Variants in BLTP3A observed in about 807,000 individuals in gnomAD.
BLTP3A encodes the protein bridge-like lipid transfer protein family member 3A.
the BLTP3A span, chr6:34,856,749 T>G: frequency 3.1e-6 from 5 of 1,600,260 alleles, no homozygotes; most frequent in South Asian, 1.1e-5. Flanking sequence ...TAATGAGAGT[T>G]GAATGTATCT....
chr6:34,857,272 A>G, the BLTP3A span: 3,436 of 1,601,800 alleles, frequency 2.1e-3, 42 homozygotes, highest in African/African-American at 0.027. Context: ...CTAAGCAGAA[A>G]TGGAGGGCTG....
the BLTP3A span, among the ~76,000 whole-genome samples, chr6:34,799,319 T>C: frequency 6.6e-6 from 1 of 152,144 alleles, no homozygotes; most frequent in African/African-American, 2.4e-5. Flanking sequence ...ATTTTATCTT[T>C]ATTAAACAAA....
At chr6:34,795,869 T>G in the BLTP3A span, among the ~76,000 whole-genome samples, 1 of 152,142 alleles carries the variant, frequency 6.6e-6, no homozygotes, top group Non-Finnish European at 1.5e-5. Context: ...GAGGTCACAT[T>G]ATAGTTGCAA....
At chr6:34,834,768 A>G in the BLTP3A span, 3 of 1,614,200 alleles carry the variant, frequency 1.9e-6, no homozygotes, top group Non-Finnish European at 2.5e-6. Flanking sequence ...GAATTGAGGC[A>G]GATGCTACAG....
the BLTP3A span, among the ~76,000 whole-genome samples, chr6:34,801,179 T>C: frequency 6.6e-6 from 1 of 152,188 alleles, no homozygotes; most frequent in Non-Finnish European, 1.5e-5. Flanking sequence ...TAAAAAATTG[T>C]GGAGGACATT....
chr6:34,810,890 A>G, the BLTP3A span, among the ~76,000 whole-genome samples: 1 of 152,224 alleles, frequency 6.6e-6, no homozygotes, highest in African/African-American at 2.4e-5. Flanking sequence ...TTTTTATAAT[A>G]GATTAGTATA....
chr6:34,857,221 C>T, the BLTP3A span: 2 of 1,341,094 alleles, frequency 1.5e-6, no homozygotes, highest in Non-Finnish European at 2.1e-6. Context: ...ACTGTGTTCC[C>T]TGTGACAGAC....
chr6:34,823,705 G>A, the BLTP3A span, among the ~76,000 whole-genome samples: 1 of 151,586 alleles, frequency 6.6e-6, no homozygotes, highest in Non-Finnish European at 1.5e-5. Flanking sequence ...ACCATGCCTG[G>A]CTAGTTTTTT....
chr6:34,864,393 A>G, the BLTP3A span, among the ~76,000 whole-genome samples: 1 of 152,178 alleles, frequency 6.6e-6, no homozygotes, highest in Non-Finnish European at 1.5e-5. Context: ...TTTCTAGGTT[A>G]TTGGTTAATA....
the BLTP3A span, chr6:34,858,575 G>A: frequency 5.5e-5 from 89 of 1,614,166 alleles, no homozygotes; most frequent in African/African-American, 8.5e-4. Flanking sequence ...GCCCAGGCAC[G>A]GAAGCTTCTT....
chr6:34,855,880 TTGA>T, the BLTP3A span: 1 of 985,422 alleles, frequency 1.0e-6, no homozygotes, highest in Non-Finnish European at 1.2e-6. Context: ...GGTTCCACTA[TTGA>T]TGATTCTTTA....
chr6:34,830,627 A>G, the BLTP3A span, among the ~76,000 whole-genome samples: 4 of 151,992 alleles, frequency 2.6e-5, no homozygotes, highest in African/African-American at 9.7e-5. Flanking sequence ...CATACACCAC[A>G]AAGAATGAAT....
the BLTP3A span, among the ~76,000 whole-genome samples, chr6:34,805,217 G>A: frequency 1.3e-5 from 2 of 151,898 alleles, no homozygotes; most frequent in African/African-American, 4.8e-5. Flanking sequence ...AGAGGTCGAG[G>A]CTTCAGTGAA....
chr6:34,871,915 T>C, the BLTP3A span: 1 of 1,614,116 alleles, frequency 6.2e-7, no homozygotes, highest in Non-Finnish European at 8.5e-7. Context: ...GGAGAGGTTT[T>C]TGAACAGCAG....
the BLTP3A span, chr6:34,871,701 G>C: frequency 1.2e-6 from 2 of 1,614,180 alleles, no homozygotes; most frequent in Non-Finnish European, 1.7e-6. Flanking sequence ...CGGTGAGTCA[G>C]GCTTGTCAGC....
chr6:34,834,242 G>A, the BLTP3A span: 2 of 1,613,958 alleles, frequency 1.2e-6, no homozygotes, highest in Non-Finnish European at 1.7e-6. Flanking sequence ...CGAAAAGGTG[G>A]TGGAAGGGAT....
the BLTP3A span, among the ~76,000 whole-genome samples, chr6:34,866,044 T>C: frequency 6.6e-6 from 1 of 152,190 alleles, no homozygotes; most frequent in African/African-American, 2.4e-5. Context: ...AAAAATCTCC[T>C]GGGGTTCTTA....
the BLTP3A span, among the ~76,000 whole-genome samples, chr6:34,801,760 C>T: frequency 6.6e-6 from 1 of 152,084 alleles, no homozygotes; most frequent in Non-Finnish European, 1.5e-5. Context: ...CTCGCTCTGT[C>T]TCCCAGGCTG....
chr6:34,866,353 AG>A, the BLTP3A span, among the ~76,000 whole-genome samples: 1 of 151,978 alleles, frequency 6.6e-6, no homozygotes, highest in Non-Finnish European at 1.5e-5. Flanking sequence ...TAGTGAGCCG[AG>A]ATCACGCCAT....
Sources: gnomAD v4.1 joint callset for allele counts (sites outside exome capture counted in the v4.1 genomes callset) on GRCh38, gnomAD v4.1.1 for gene constraint, MANE v1.5 for transcripts, NCBI Gene and HGNC (gene_info 2026-07-23, HGNC 2026-07-21) for gene names.